The following CACNA1C variants were observed in gnomAD, a reference collection of about 807,000 sequenced individuals.
CACNA1C encodes voltage-dependent L-type calcium channel subunit alpha-1C.
Under a neutral mutation model 229.0 loss-of-function variants are expected in CACNA1C, and 30 were observed. The ratio of observed to expected loss-of-function variants is 0.13; its 90% CI spans 0.10 to 0.18. The LOEUF is 0.18. Among genes scored for constraint, CACNA1C ranks in the 10% least tolerant of loss-of-function variants. CACNA1C has a pLI of 1.00. For missense variants in CACNA1C, 1,658 were observed against 2,845.0 expected (o/e 0.58, Z 9.49); for synonymous variants, 1,114 against 1,132.5 (o/e 0.98, Z 0.33).
chr12:2,026,981 A>T (rs1016240458), intron 1 of CACNA1C, among the ~76,000 whole-genome samples: 3 of 152,212 alleles, frequency 2.0e-5, no homozygotes, highest in Non-Finnish European at 4.4e-5. Flanking sequence ...TGGGTTGAAA[A>T]AAAAGTTAGT....
At chr12:2,025,645 A>G (rs888053929) in intron 1 of CACNA1C, among the ~76,000 whole-genome samples, 1 of 152,062 alleles carries the variant, frequency 6.6e-6, no homozygotes, top group East Asian at 1.9e-4. Flanking sequence ...AATCCTCTTC[A>G]TCCTTTGAAG....
intron 3 of CACNA1C, among the ~76,000 whole-genome samples, chr12:2,407,266 C>T (rs1253808961): frequency 2.6e-5 from 4 of 152,220 alleles, no homozygotes; most frequent in Non-Finnish European, 4.4e-5. Flanking sequence ...ACATCGTCTC[C>T]ACCGACACCA....
chr12:2,265,467 G>T (rs958992400), intron 3 of CACNA1C, among the ~76,000 whole-genome samples: 5 of 152,062 alleles, frequency 3.3e-5, no homozygotes, highest in Non-Finnish European at 5.9e-5. Flanking sequence ...ACTGCAGAGT[G>T]GGGGGCTGGA....
intron 30 of CACNA1C, among the ~76,000 whole-genome samples, chr12:2,635,702 G>A (rs190245348): frequency 1.2e-3 from 183 of 152,286 alleles, no homozygotes; most frequent in Non-Finnish European, 1.9e-3. Flanking sequence ...GTCCCCCGCT[G>A]TAGTCTGGTG....
At chr12:2,420,158 G>A (rs1347349375) in intron 3 of CACNA1C, among the ~76,000 whole-genome samples, 4 of 128,870 alleles carry the variant, frequency 3.1e-5, no homozygotes, top group African/African-American at 3.9e-5. Flanking sequence ...TAGGGGGAGG[G>A]AGCATTCAAC....
At chr12:2,684,111 G>A (rs1270623679) in intron 43 of CACNA1C, among the ~76,000 whole-genome samples, 1 of 152,224 alleles carries the variant, frequency 6.6e-6, no homozygotes, top group Admixed American at 6.5e-5. Flanking sequence ...TGGCAGCCAG[G>A]CCAGCACAGC....
intron 29 of CACNA1C, chr12:2,612,598 C>G (rs1278731787): frequency 6.6e-6 from 1 of 152,380 alleles, no homozygotes; most frequent in African/African-American, 2.4e-5. Flanking sequence ...GAACAATTAC[C>G]AGCAAATTTC....
At chr12:2,384,630 A>T (rs892094130) in intron 3 of CACNA1C, among the ~76,000 whole-genome samples, 5 of 152,024 alleles carry the variant, frequency 3.3e-5, no homozygotes, top group African/African-American at 1.2e-4. Flanking sequence ...TCCTTCTCTG[A>T]GCAGCAACAG....
At chr12:2,355,025 G>A (rs1005325979) in intron 3 of CACNA1C, among the ~76,000 whole-genome samples, 1 of 152,128 alleles carries the variant, frequency 6.6e-6, no homozygotes. Context: ...GAAGAAGGAG[G>A]CGTAACATTG....
chr12:2,470,338 G>A (rs780792205), intron 5 of CACNA1C, among the ~76,000 whole-genome samples: 108 of 152,146 alleles, frequency 7.1e-4, no homozygotes, highest in Admixed American at 2.4e-3. Context: ...GGTGATGACT[G>A]ATTAAAAATA....
intron 14 of CACNA1C, 31 bp downstream of exon 14, chr12:2,581,828 T>TCGGGGTGGTTGAGTGG (rs1282161989): frequency 7.0e-7 from 1 of 1,424,944 alleles, no homozygotes; most frequent in Admixed American, 1.7e-5. Context: ...GGATTCGGAC[T>TCGGGGTGGTTGAGTGG]CGGGGTGGTT....
intron 3 of CACNA1C, among the ~76,000 whole-genome samples, chr12:2,425,504 TA>T (rs1242096846): frequency 6.6e-6 from 1 of 152,224 alleles, no homozygotes; most frequent in African/African-American, 2.4e-5. Context: ...ATCGAGATTA[TA>T]AGAAATAATT....
chr12:2,121,941 T>A (rs1565827760), intron 3 of CACNA1C, among the ~76,000 whole-genome samples: 1 of 152,050 alleles, frequency 6.6e-6, no homozygotes, highest in Non-Finnish European at 1.5e-5. Context: ...GTGGTGAAGG[T>A]GTGTAGAGGA....
At chr12:2,680,440 A>C (rs780938970) in intron 42 of CACNA1C, 1 of 1,561,408 alleles carries the variant, frequency 6.4e-7, no homozygotes. Flanking sequence ...CCCTGTCTGC[A>C]TCAGCAGCTC....
At chr12:2,144,181 A>G (rs75157159) in intron 3 of CACNA1C, among the ~76,000 whole-genome samples, 2,782 of 151,386 alleles carry the variant, frequency 0.018, 153 homozygotes, top group Non-Finnish European at 0.032. Context: ...TCTGACTGTA[A>G]TGTGATTATT....
At position 2,067,654 on chromosome 12, in the gene CACNA1C, G is replaced by T. The variant is rs937905869; in HGVS notation, c.49+14043G>T. Among the ~76,000 whole-genome samples, 1 of 152,248 alleles carries T rather than the reference G, an allele frequency of 6.6e-6. No homozygotes were observed. The highest frequency in any genetic ancestry group is 2.1e-4 in the South Asian group (1 of 4,828). ...GTGGATGGAAGGAAGCAGGGGATGG[G>T]AGGACTGGTGGAGGTGGACGTCAGA... On this transcript the variant is annotated intron_variant, in intron 1 of 46. Coordinates refer to ENST00000399655, the MANE Select transcript of CACNA1C (RefSeq NM_000719.7). This position sits in a 1 kb window ranked among gnomAD's most constrained non-coding sequence, Gnocchi z 5.3.
intron 1 of CACNA1C, among the ~76,000 whole-genome samples, chr12:2,078,442 A>G (rs1358807031): frequency 6.6e-6 from 1 of 152,242 alleles, no homozygotes; most frequent in Non-Finnish European, 1.5e-5. Flanking sequence ...AACGGGGATG[A>G]ACCTTGAGGA....
intron 1 of CACNA1C, among the ~76,000 whole-genome samples, chr12:1,985,047 A>G (rs1428475677): frequency 6.6e-6 from 1 of 152,032 alleles, no homozygotes; most frequent in African/African-American, 2.4e-5. Context: ...AAAAAAAAAA[A>G]AAATCTTTGT....
intron 3 of CACNA1C, among the ~76,000 whole-genome samples, chr12:2,301,951 G>A (rs184011331): frequency 2.6e-5 from 4 of 152,214 alleles, no homozygotes; most frequent in East Asian, 1.9e-4. Context: ...GTGTGGTTGC[G>A]AGGCTATTTT....
Sources: allele counts gnomAD v4.1 joint callset (sites outside exome capture counted in the v4.1 genomes callset), GRCh38; gene constraint gnomAD v4.1.1; non-coding constraint Gnocchi (gnomAD v3.1); transcripts MANE v1.5; gene names NCBI Gene and HGNC (gene_info 2026-07-23, HGNC 2026-07-21).